UXS1: variants seen among roughly 807,000 people sequenced by gnomAD.
The protein encoded by UXS1 is UDP-glucuronic acid decarboxylase 1.
Under a neutral mutation model 62.6 loss-of-function variants are expected in UXS1, and 33 were observed. That is an observed-to-expected ratio of 0.53 (90% CI 0.40 to 0.70). UXS1 has a LOEUF of 0.70. UXS1 is among the 30% of genes least tolerant of loss of function. UXS1 has a pLI of 0.00. For missense variants in UXS1, 434 were observed against 556.3 expected (o/e 0.78, Z 2.21); for synonymous variants, 213 against 206.8 (o/e 1.03, Z -0.26).
chr2:106,141,876 G>GGTTTTTTTTTTTTTTTTTT (rs1681131139), intron 6 of UXS1, among the ~76,000 whole-genome samples: 1 of 108,822 alleles, frequency 9.2e-6, no homozygotes. Context: ...TTTTTTTTTT[G>GGTTTTTTTTTTTTTTTTTT]GTTTTTTTTT....
At chr2:106,155,651 C>A (rs558179143) in intron 5 of UXS1, among the ~76,000 whole-genome samples, 3 of 152,182 alleles carry the variant, frequency 2.0e-5, no homozygotes, top group Non-Finnish European at 4.4e-5. Context: ...GCAGGCTGTA[C>A]CATCGAGGTT....
At chr2:106,163,056 A>G (rs1184934244) in intron 4 of UXS1, among the ~76,000 whole-genome samples, 1 of 152,228 alleles carries the variant, frequency 6.6e-6, no homozygotes, top group African/African-American at 2.4e-5. Context: ...CAGTACGTGC[A>G]AGAGGAAAGT....
intron 1 of UXS1, among the ~76,000 whole-genome samples, chr2:106,178,235 G>T (rs547580071): frequency 1.3e-5 from 2 of 152,258 alleles, no homozygotes; most frequent in African/African-American, 4.8e-5. Context: ...TCCCCACGTG[G>T]CACTTCTCCC....
At chr2:106,180,460 T>G (rs1487998615) in intron 1 of UXS1, among the ~76,000 whole-genome samples, 1 of 152,184 alleles carries the variant, frequency 6.6e-6, no homozygotes, top group East Asian at 1.9e-4. Context: ...GCTGCAAAAA[T>G]ACTACAGAGA....
intron 7 of UXS1, among the ~76,000 whole-genome samples, chr2:106,126,796 T>C (rs1020579174): frequency 1.3e-5 from 2 of 152,196 alleles, no homozygotes; most frequent in African/African-American, 4.8e-5. Flanking sequence ...ACATTGACAT[T>C]GATATGATCA....
At chr2:106,141,443 T>C (rs1681086174) in intron 6 of UXS1, among the ~76,000 whole-genome samples, 1 of 152,338 alleles carries the variant, frequency 6.6e-6, no homozygotes, top group South Asian at 2.1e-4. Context: ...TTTACAGTTT[T>C]ATCTTTTCCA....
chr2:106,143,454 G>C (rs1192771105), intron 6 of UXS1, among the ~76,000 whole-genome samples: 2 of 128,732 alleles, frequency 1.6e-5, no homozygotes, highest in African/African-American at 5.8e-5. Context: ...AATTTGGGCA[G>C]CACTTAGTGA....
At chr2:106,128,313 G>A (rs997937655) in intron 7 of UXS1, among the ~76,000 whole-genome samples, 1 of 152,162 alleles carries the variant, frequency 6.6e-6, no homozygotes, top group Non-Finnish European at 1.5e-5. Context: ...CAGATAGGAA[G>A]AATGAATCAT....
intron 1 of UXS1, among the ~76,000 whole-genome samples, chr2:106,172,878 G>C (rs1215007459): frequency 6.6e-6 from 1 of 152,104 alleles, no homozygotes; most frequent in Non-Finnish European, 1.5e-5. Flanking sequence ...GCCTGCCTCA[G>C]GGCCTTTGCA....
intron 5 of UXS1, among the ~76,000 whole-genome samples, chr2:106,148,222 C>T (rs933111293): frequency 6.6e-6 from 1 of 152,172 alleles, no homozygotes; most frequent in African/African-American, 2.4e-5. Flanking sequence ...TGAACAATGA[C>T]TATGAAAAAC....
intron 10 of UXS1, 43 bp from the exon 11 acceptor site, chr2:106,104,880 C>A: frequency 3.7e-6 from 6 of 1,613,380 alleles, no homozygotes; most frequent in Non-Finnish European, 5.1e-6. Flanking sequence ...AAAACCACAC[C>A]CGTCCTGCGT....
intron 1 of UXS1, among the ~76,000 whole-genome samples, chr2:106,186,725 G>T (rs1684581395): frequency 6.6e-6 from 1 of 152,136 alleles, no homozygotes; most frequent in African/African-American, 2.4e-5. Flanking sequence ...GCCTGAGGCA[G>T]GAGGATCACC....
intron 5 of UXS1, among the ~76,000 whole-genome samples, chr2:106,146,348 A>G (rs1044692454): frequency 6.6e-6 from 1 of 152,238 alleles, no homozygotes; most frequent in Non-Finnish European, 1.5e-5. Context: ...GAAGACAGCA[A>G]TCCTTTCTAC....
At chr2:106,112,854 G>A in intron 9 of UXS1, 89 bp from the exon 10 acceptor site, 1 of 1,492,700 alleles carries the variant, frequency 6.7e-7, no homozygotes, top group Non-Finnish European at 8.9e-7. Flanking sequence ...ATGCAATGCA[G>A]AATGGAAACG....
chr2:106,164,889 C>CCT, intron 2 of UXS1, 90 bp from the exon 3 acceptor site: 1 of 853,112 alleles, frequency 1.2e-6, no homozygotes, highest in South Asian at 1.7e-5. Flanking sequence ...ATGCAGACCA[C>CCT]CTCTGTCTCC....
chr2:106,144,806 T>G (rs776960285), intron 6 of UXS1, among the ~76,000 whole-genome samples: 1 of 152,130 alleles, frequency 6.6e-6, no homozygotes, highest in Admixed American at 6.5e-5. Context: ...TTGTGACGAC[T>G]CTGTCTCCAT....
intron 6 of UXS1, among the ~76,000 whole-genome samples, chr2:106,144,823 A>G (rs1002658351): frequency 2.6e-5 from 4 of 152,122 alleles, no homozygotes; most frequent in Admixed American, 6.5e-5. Flanking sequence ...CCATGAACTC[A>G]TCACCTCCAA....
chr2:106,142,132 A>G (rs1681160326), intron 6 of UXS1, among the ~76,000 whole-genome samples: 1 of 152,152 alleles, frequency 6.6e-6, no homozygotes, highest in African/African-American at 2.4e-5. Flanking sequence ...TTGGCCTCCC[A>G]AAGTGCTGGG....
At chr2:106,103,813 C>T (rs956479728) in intron 11 of UXS1, among the ~76,000 whole-genome samples, 1 of 152,178 alleles carries the variant, frequency 6.6e-6, no homozygotes, top group African/African-American at 2.4e-5. Context: ...CAGCAAAAAT[C>T]TACAGTGGTT....
Sources: gnomAD v4.1 joint callset for allele counts (sites outside exome capture counted in the v4.1 genomes callset) on GRCh38, gnomAD v4.1.1 for gene constraint, MANE v1.5 for transcripts, NCBI Gene and HGNC (gene_info 2026-07-23, HGNC 2026-07-21) for gene names.